Variants in RB1 observed in about 807,000 individuals in gnomAD.
RB1 encodes the protein retinoblastoma-associated protein.
Under a neutral mutation model 135.4 loss-of-function variants are expected in RB1, and 18 were observed. That is an observed-to-expected ratio of 0.13 (90% CI 0.09 to 0.20). The LOEUF is 0.20. RB1 is among the 10% of genes least tolerant of loss of function. RB1 has a pLI of 1.00. For missense variants in RB1, 868 were observed against 1,110.0 expected (o/e 0.78, Z 3.10); for synonymous variants, 365 against 373.2 (o/e 0.98, Z 0.25).
chr13:48,465,317 A>G lies in RB1; in HGVS notation c.2438A>G (p.Tyr813Cys). The G allele has an allele frequency of 1.2e-6, 2 of 1,611,516 alleles. No homozygotes were observed. The highest frequency in any genetic ancestry group is 2.2e-5 in the South Asian group (2 of 91,030). The part of the protein sequence containing the change: ...NIYISPLKSP[Y>C]KISEGLPTPT... ...TATATTTCACCCCTGAAGAGTCCAT[A>G]TAAAATTTCAGAAGGTCTGCCAACA... Residue 813 changes from tyrosine (Y) to cysteine (C), a missense_variant, in exon 23 of 27, where the codon TAT becomes TGT. Transcript: ENST00000267163.
At chr13:48,387,737 TTTAATTAAATTTTAAC>T (rs1244208192) in intron 17 of RB1, among the ~76,000 whole-genome samples, 2 of 152,146 alleles carry the variant, frequency 1.3e-5, no homozygotes, top group East Asian at 3.8e-4. Flanking sequence ...AAATTTCTGT[TTTAATTAAATTTTAAC>T]TAAATTAAGT....
intron 17 of RB1, among the ~76,000 whole-genome samples, chr13:48,438,019 A>G (rs552101940): frequency 6.6e-6 from 1 of 152,296 alleles, no homozygotes; most frequent in African/African-American, 2.4e-5. Flanking sequence ...TCAATATTCT[A>G]GAAATATTTA....
At chr13:48,418,939 G>A (rs1220199013) in intron 17 of RB1, among the ~76,000 whole-genome samples, 1 of 152,028 alleles carries the variant, frequency 6.6e-6, no homozygotes, top group Non-Finnish European at 1.5e-5. Context: ...AATAATAGTG[G>A]GAGACTTTAA....
At chr13:48,454,692 A>G (rs752399962) in intron 18 of RB1, among the ~76,000 whole-genome samples, 2 of 152,228 alleles carry the variant, frequency 1.3e-5, no homozygotes, top group Non-Finnish European at 2.9e-5. Context: ...TAGAATGCTT[A>G]GTGGCACTTT....
chr13:48,315,803 A>C (rs1009056741), intron 2 of RB1, among the ~76,000 whole-genome samples: 1 of 150,560 alleles, frequency 6.6e-6, no homozygotes, highest in African/African-American at 2.5e-5. Context: ...TTGTGCTGCA[A>C]TAAACAAGTG....
Position 48,399,085 on chromosome 13 carries a change from A to G in RB1, c.1695+17642A>G, listed in dbSNP as rs564003369. Among the ~76,000 whole-genome samples the G allele has an allele frequency of 7.0e-4, 106 of 152,188 alleles. 1 individual carries two copies. The highest frequency in any genetic ancestry group is 3.4e-3 in the Middle Eastern group (1 of 294). On this transcript the variant is annotated intron_variant, in intron 17 of 26. Coordinates refer to ENST00000267163, the MANE Select transcript of RB1 (RefSeq NM_000321.3). ...CAACTCCTAGAAATGAGAATTTACT[A>G]TAAGTGTTTTCAGAATCCACAATAA...
chr13:48,402,959 G>A (rs571716908), intron 17 of RB1, among the ~76,000 whole-genome samples: 14 of 151,914 alleles, frequency 9.2e-5, no homozygotes, highest in South Asian at 6.2e-4. Context: ...GCTTCTGTTC[G>A]TAAAGTACTA....
At chr13:48,378,834 A>G (rs1385591916) in intron 13 of RB1, among the ~76,000 whole-genome samples, 1 of 152,138 alleles carries the variant, frequency 6.6e-6, no homozygotes, top group African/African-American at 2.4e-5. Flanking sequence ...TTATAATCTT[A>G]TGGGACTACT....
intron 17 of RB1, among the ~76,000 whole-genome samples, chr13:48,427,097 A>G (rs192117344): frequency 6.6e-6 from 1 of 152,318 alleles, no homozygotes; most frequent in East Asian, 1.9e-4. Context: ...TTCATGAGGG[A>G]TCCACCCCCC....
Position 48,403,332 on chromosome 13 carries a change from A to C in RB1, c.1695+21889A>C, listed in dbSNP as rs549686844. Among the ~76,000 whole-genome samples, 6 of 152,272 alleles carry C rather than the reference A, an allele frequency of 3.9e-5. No homozygotes were observed. In the South Asian group the frequency reaches 1.2e-3, roughly 32 times the overall value. ...CCTCCTTTCTCCCCGCAAACCCTAC[A>C]GAAGTGACAAAAAAGACACATATCA... is the stretch of plus-strand genomic sequence containing the variant. On this transcript the variant is annotated intron_variant, in intron 17 of 26. Transcript: ENST00000267163.
chr13:48,357,625 A>G (rs1952604351), intron 6 of RB1, among the ~76,000 whole-genome samples: 1 of 151,988 alleles, frequency 6.6e-6, no homozygotes, highest in Non-Finnish European at 1.5e-5. Context: ...TCAGGTCTCT[A>G]CAGGGAGGGG....
At chr13:48,337,678 CAT>C (rs1952397581) in intron 2 of RB1, among the ~76,000 whole-genome samples, 1 of 152,168 alleles carries the variant, frequency 6.6e-6, no homozygotes, top group Non-Finnish European at 1.5e-5. Flanking sequence ...AGCCCATTTA[CAT>C]TTAAGGTTAA....
intron 2 of RB1, among the ~76,000 whole-genome samples, chr13:48,334,566 T>C (rs1457278329): frequency 6.6e-6 from 1 of 152,178 alleles, no homozygotes; most frequent in Admixed American, 6.6e-5. Context: ...AAAGCACATG[T>C]TTCTTATGAC....
At chr13:48,465,681 GCGC>G (rs1240668557) in intron 23 of RB1, among the ~76,000 whole-genome samples, 2 of 151,416 alleles carry the variant, frequency 1.3e-5, no homozygotes, top group Non-Finnish European at 2.9e-5. Context: ...CAGACAGTGG[GCGC>G]AGGCCAGTGT....
At chr13:48,442,346 G>T (rs555753603) in intron 17 of RB1, among the ~76,000 whole-genome samples, 1 of 152,116 alleles carries the variant, frequency 6.6e-6, no homozygotes, top group South Asian at 2.1e-4. Flanking sequence ...GACTACAGGC[G>T]CATGCAACCA....
intron 26 of RB1, among the ~76,000 whole-genome samples, chr13:48,477,680 T>G (rs900847373): frequency 4.6e-5 from 7 of 152,162 alleles, no homozygotes; most frequent in Admixed American, 3.9e-4. Context: ...TGGCTACAGT[T>G]AGAAAATACT....
intron 11 of RB1, among the ~76,000 whole-genome samples, chr13:48,370,191 G>A (rs1952744418): frequency 6.6e-6 from 1 of 152,148 alleles, no homozygotes; most frequent in Non-Finnish European, 1.5e-5. Context: ...CATGTTCAAA[G>A]GGCTGGAATT....
At chr13:48,411,897 G>A in intron 17 of RB1, 1 of 1,613,554 alleles carries the variant, frequency 6.2e-7, no homozygotes, top group South Asian at 1.1e-5. Context: ...TGTTTTCCAT[G>A]TGGCTTCTGG....
At chr13:48,424,193 A>G (rs150918545) in intron 17 of RB1, 23 of 152,684 alleles carry the variant, frequency 1.5e-4, no homozygotes, top group East Asian at 1.3e-3. Context: ...TTGACAGAAT[A>G]TATTTATTTT....
Sources: gnomAD v4.1 joint callset for allele counts (sites outside exome capture counted in the v4.1 genomes callset) on GRCh38, gnomAD v4.1.1 for gene constraint, MANE v1.5 for transcripts, NCBI Gene and HGNC (gene_info 2026-07-23, HGNC 2026-07-21) for gene names.